DNAJC12: variants seen among roughly 807,000 people sequenced by gnomAD.
DNAJC12 encodes the protein DnaJ heat shock protein family (Hsp40) member C12, also known as dnaJ homolog subfamily C member 12.
A neutral mutation model predicts 28.5 loss-of-function variants in DNAJC12; 25 were observed. The observed-to-expected ratio is 0.88, with a 90% confidence interval of 0.64 to 1.22. DNAJC12 has a LOEUF of 1.22. Among genes scored for constraint, DNAJC12 ranks in the 50% most tolerant of loss-of-function variants. The pLI, the probability that DNAJC12 is intolerant of heterozygous loss-of-function variation, is 0.00. For missense variants in DNAJC12, 222 were observed against 231.7 expected, an observed-to-expected ratio of 0.96 and a Z score of 0.27; for synonymous variants, 77 against 80.6, an observed-to-expected ratio of 0.95 and a Z score of 0.24.
chr10:67,802,381 C>T (rs1184336634), intron 4 of DNAJC12, among the ~76,000 whole-genome samples: 2 of 152,156 alleles, frequency 1.3e-5, no homozygotes, highest in Non-Finnish European at 1.5e-5. Context: ...AGCCAGCTGC[C>T]GAAATGACCT....
At chr10:67,824,235 TAAAAAAAA>T (rs11351546) in intron 1 of DNAJC12, among the ~76,000 whole-genome samples, 1 of 135,964 alleles carries the variant, frequency 7.4e-6, no homozygotes, top group African/African-American at 2.7e-5. Flanking sequence ...GAGTCTGTCT[TAAAAAAAA>T]AAAAAAAAAA....
intron 1 of DNAJC12, among the ~76,000 whole-genome samples, chr10:67,830,230 G>A (rs552154278): frequency 3.7e-4 from 57 of 152,218 alleles, no homozygotes; most frequent in South Asian, 2.7e-3. Context: ...AGAATCGCTT[G>A]AGCCTGGGAG....
At chr10:67,815,848 T>A (rs1414600297) in intron 2 of DNAJC12, among the ~76,000 whole-genome samples, 1 of 152,264 alleles carries the variant, frequency 6.6e-6, no homozygotes, top group Non-Finnish European at 1.5e-5. Flanking sequence ...AGAAGCTGCT[T>A]AGAATTATTC....
intron 3 of DNAJC12, chr10:67,811,217 A>G (rs1026985674): frequency 2.3e-4 from 225 of 968,418 alleles, no homozygotes; most frequent in Non-Finnish European, 2.8e-4. Context: ...ATTCATGAGC[A>G]ACTTGAGAAG....
chr10:67,835,747 C>CACATAT (rs111959175), intron 1 of DNAJC12, among the ~76,000 whole-genome samples: 7 of 147,940 alleles, frequency 4.7e-5, no homozygotes, highest in African/African-American at 1.8e-4. Flanking sequence ...CACACACACA[C>CACATAT]ATATATATAA....
intron 1 of DNAJC12, among the ~76,000 whole-genome samples, chr10:67,828,604 A>G (rs1842060108): frequency 6.6e-6 from 1 of 152,148 alleles, no homozygotes; most frequent in African/African-American, 2.4e-5. Context: ...TATAACAAAT[A>G]AAACTGAGAT....
At chr10:67,802,837 G>A (rs1841759907) in intron 4 of DNAJC12, among the ~76,000 whole-genome samples, 1 of 137,812 alleles carries the variant, frequency 7.3e-6, no homozygotes, top group Admixed American at 7.2e-5. Context: ...AAGTTATTGT[G>A]CGTGTGTGTG....
chr10:67,830,086 G>A (rs1208834749), intron 1 of DNAJC12, among the ~76,000 whole-genome samples: 1 of 152,094 alleles, frequency 6.6e-6, no homozygotes, highest in East Asian at 1.9e-4. Flanking sequence ...TGCTGAGGCG[G>A]GCAGATCACC....
chr10:67,830,610 A>T (rs919782091), intron 1 of DNAJC12, among the ~76,000 whole-genome samples: 1 of 144,796 alleles, frequency 6.9e-6, no homozygotes, highest in African/African-American at 2.6e-5. Flanking sequence ...TCCGTCTCAA[A>T]AAATAAATAA....
intron 1 of DNAJC12, among the ~76,000 whole-genome samples, chr10:67,830,266 G>A (rs1405512128): frequency 1.4e-5 from 2 of 148,016 alleles, no homozygotes; most frequent in African/African-American, 2.5e-5. Context: ...AGCTGAGATC[G>A]CGCCACTGCA....
At chr10:67,821,194 A>G (rs1471468184) in intron 2 of DNAJC12, among the ~76,000 whole-genome samples, 1 of 152,196 alleles carries the variant, frequency 6.6e-6, no homozygotes, top group Admixed American at 6.5e-5. Flanking sequence ...CACACATGCT[A>G]TACGCATATA....
intron 1 of DNAJC12, chr10:67,833,906 C>T: frequency 4.2e-6 from 2 of 480,754 alleles, no homozygotes; most frequent in South Asian, 3.0e-5. Flanking sequence ...TCAGTGGTGG[C>T]TATTACTGAG....
At chr10:67,800,362 T>C (rs146315185) in intron 4 of DNAJC12, among the ~76,000 whole-genome samples, 270 of 151,884 alleles carry the variant, frequency 1.8e-3, no homozygotes, top group African/African-American at 6.1e-3. Context: ...TAACTGCAAA[T>C]GATCCCACTG....
Position 67,797,487 on chromosome 10 carries a change from A to G in DNAJC12, c.503-277T>C, listed in dbSNP as rs7101093. ...TGCCTCTGGTGGTGGGGAATTTGAC[A>G]ATTCACATGCAAAGAAATTTGAAAC... is the stretch of plus-strand genomic sequence containing the variant. On this transcript the variant is annotated intron_variant, in intron 4 of 4. Transcript: ENST00000225171. 0.16 allele frequency among the ~76,000 whole-genome samples: 24,942 copies of G among 152,094 alleles called. 2,242 individuals carry two copies. The highest frequency in any genetic ancestry group is 0.23 in the African/African-American group (9,378 of 41,494).
chr10:67,821,477 T>C (rs1490064382), intron 2 of DNAJC12, among the ~76,000 whole-genome samples: 1 of 152,062 alleles, frequency 6.6e-6, no homozygotes, highest in Non-Finnish European at 1.5e-5. Flanking sequence ...TATCGTGCCA[T>C]TGCACTCCAG....
chr10:67,820,337 A>G (rs1841969764), intron 2 of DNAJC12, among the ~76,000 whole-genome samples: 1 of 152,248 alleles, frequency 6.6e-6, no homozygotes, highest in South Asian at 2.1e-4. Context: ...TAACACAGAC[A>G]TAATGCAAAG....
At chr10:67,812,253 A>C (rs1349894044) in intron 2 of DNAJC12, among the ~76,000 whole-genome samples, 1 of 152,190 alleles carries the variant, frequency 6.6e-6, no homozygotes, top group African/African-American at 2.4e-5. Flanking sequence ...GCTGGAGGAC[A>C]CAAGGCTAGG....
chr10:67,824,620 ATTATTAAGACTTGGCT>A (rs1264064267), intron 1 of DNAJC12, among the ~76,000 whole-genome samples: 11 of 152,254 alleles, frequency 7.2e-5, no homozygotes, highest in Non-Finnish European at 1.0e-4. Flanking sequence ...ATTATCATGA[ATTATTAAGACTTGGCT>A]TTATTAATTG....
chr10:67,827,141 C>G (rs1842044946), intron 1 of DNAJC12, among the ~76,000 whole-genome samples: 1 of 151,758 alleles, frequency 6.6e-6, no homozygotes, highest in Non-Finnish European at 1.5e-5. Flanking sequence ...AATCCCTGCA[C>G]TTTGGGAGGC....
Sources: allele counts gnomAD v4.1 joint callset (sites outside exome capture counted in the v4.1 genomes callset), GRCh38; gene constraint gnomAD v4.1.1; transcripts MANE v1.5; gene names NCBI Gene and HGNC (gene_info 2026-07-23, HGNC 2026-07-21).